Variants in RPS6KC1 observed in about 807,000 individuals in gnomAD.
RPS6KC1 encodes inactive ribosomal protein S6 kinase delta-1.
Under a neutral mutation model 103.8 loss-of-function variants are expected in RPS6KC1, and 54 were observed. The ratio of observed to expected loss-of-function variants is 0.52; its 90% CI spans 0.42 to 0.65. The LOEUF (loss-of-function observed/expected upper bound fraction) is 0.65, where lower values mean the gene tolerates loss of function less well. RPS6KC1 is among the 30% of genes least tolerant of loss of function. The pLI is 0.00. For synonymous variants in RPS6KC1, 439 were observed against 438.7 expected (o/e 1.00, Z -0.01); for missense variants, 1,151 against 1,253.8 (o/e 0.92, Z 1.24).
chr1:213,651,843 C>CT, the RPS6KC1 span, among the ~76,000 whole-genome samples: 2 of 152,180 alleles, frequency 1.3e-5, no homozygotes. Context: ...AAGGAAGAGA[C>CT]TGAGTTTTGA....
chr1:213,548,481 T>C, the RPS6KC1 span, among the ~76,000 whole-genome samples: 12 of 152,172 alleles, frequency 7.9e-5, no homozygotes, highest in East Asian at 1.9e-3. Context: ...GCCAACATGG[T>C]GAAACCCCAT....
the RPS6KC1 span, among the ~76,000 whole-genome samples, chr1:213,851,564 C>T: frequency 6.6e-5 from 10 of 152,156 alleles, no homozygotes; most frequent in African/African-American, 1.9e-4. Flanking sequence ...CCCAGGTAAT[C>T]GCATTCACTT....
the RPS6KC1 span, among the ~76,000 whole-genome samples, chr1:213,514,321 C>T: frequency 2.0e-5 from 3 of 151,914 alleles, no homozygotes; most frequent in Non-Finnish European, 4.4e-5. Flanking sequence ...TGTTGGTGTG[C>T]TGCACCCATT....
At chr1:213,258,620 A>G (rs1231976204) in intron 12 of RPS6KC1, among the ~76,000 whole-genome samples, 1 of 152,220 alleles carries the variant, frequency 6.6e-6, no homozygotes, top group Non-Finnish European at 1.5e-5. Context: ...AATTGTATAT[A>G]TATACCTGAT....
chr1:213,611,792 T>C, the RPS6KC1 span, among the ~76,000 whole-genome samples: 2 of 152,226 alleles, frequency 1.3e-5, no homozygotes, highest in South Asian at 4.1e-4. Flanking sequence ...CAAGAATTTA[T>C]ACTTGGAGCC....
chr1:213,510,126 T>C, the RPS6KC1 span, among the ~76,000 whole-genome samples: 1 of 152,206 alleles, frequency 6.6e-6, no homozygotes, highest in East Asian at 1.9e-4. Context: ...AAGAGCATCA[T>C]TGTGCCTTTT....
intron 6 of RPS6KC1, among the ~76,000 whole-genome samples, chr1:213,156,831 T>G (rs935958492): frequency 6.6e-6 from 1 of 152,216 alleles, no homozygotes; most frequent in African/African-American, 2.4e-5. Flanking sequence ...TCTTGGTCAG[T>G]CTACCTGAAA....
chr1:213,304,562 G>A, the RPS6KC1 span, among the ~76,000 whole-genome samples: 2 of 148,846 alleles, frequency 1.3e-5, no homozygotes, highest in African/African-American at 5.0e-5. Flanking sequence ...TTGAGATGGA[G>A]TTTTGCTCTT....
the RPS6KC1 span, among the ~76,000 whole-genome samples, chr1:213,548,836 C>T: frequency 1.3e-5 from 2 of 151,994 alleles, no homozygotes; most frequent in Non-Finnish European, 2.9e-5. Context: ...TACATATATG[C>T]TTTATATACT....
the RPS6KC1 span, among the ~76,000 whole-genome samples, chr1:213,636,825 G>T: frequency 3.9e-5 from 6 of 152,092 alleles, no homozygotes; most frequent in Admixed American, 3.3e-4. Flanking sequence ...AGAGTGCACA[G>T]GCAACCTACA....
the RPS6KC1 span, among the ~76,000 whole-genome samples, chr1:213,342,052 C>T: frequency 6.6e-6 from 1 of 152,228 alleles, no homozygotes; most frequent in Admixed American, 6.5e-5. Context: ...CAGGCAGTGT[C>T]TCCCATGCTC....
At chr1:213,272,310 T>C (rs1441427025) in intron 14 of RPS6KC1, among the ~76,000 whole-genome samples, 1 of 152,202 alleles carries the variant, frequency 6.6e-6, no homozygotes, top group African/African-American at 2.4e-5. Context: ...TTCCCATCAG[T>C]TGAAAAGCCA....
At chr1:213,135,747 TTTC>T (rs1381015240) in intron 6 of RPS6KC1, among the ~76,000 whole-genome samples, 1 of 152,218 alleles carries the variant, frequency 6.6e-6, no homozygotes, top group East Asian at 1.9e-4. Flanking sequence ...TGTTTTTTCC[TTTC>T]TTTAGTTGAT....
At chr1:213,496,517 G>T in the RPS6KC1 span, among the ~76,000 whole-genome samples, 1 of 152,166 alleles carries the variant, frequency 6.6e-6, no homozygotes, top group South Asian at 2.1e-4. Flanking sequence ...TAGCACTTTG[G>T]GAGGCTGAGG....
At chr1:213,854,528 C>CTTTCTT in the RPS6KC1 span, among the ~76,000 whole-genome samples, 1 of 97,168 alleles carries the variant, frequency 1.0e-5, no homozygotes, top group Non-Finnish European at 2.1e-5. Flanking sequence ...TTCTTTCTTT[C>CTTTCTT]TTTCTTTCTT....
the RPS6KC1 span, among the ~76,000 whole-genome samples, chr1:213,595,246 A>G: frequency 1.3e-5 from 2 of 152,190 alleles, no homozygotes; most frequent in Non-Finnish European, 2.9e-5. Context: ...ACAGACCCAG[A>G]CACAGGCTCA....
At chr1:213,157,933 G>A (rs1041459980) in intron 6 of RPS6KC1, among the ~76,000 whole-genome samples, 7 of 152,038 alleles carry the variant, frequency 4.6e-5, no homozygotes, top group African/African-American at 1.7e-4. Flanking sequence ...TATTGTCTGT[G>A]GTAACTTTTC....
chr1:213,469,458 A>T, the RPS6KC1 span, among the ~76,000 whole-genome samples: 2 of 152,150 alleles, frequency 1.3e-5, no homozygotes, highest in African/African-American at 4.8e-5. Flanking sequence ...AGCCAATCTC[A>T]GGCATCACAT....
chr1:213,621,925 C>T, the RPS6KC1 span, among the ~76,000 whole-genome samples: 1 of 152,076 alleles, frequency 6.6e-6, no homozygotes, highest in Non-Finnish European at 1.5e-5. Flanking sequence ...GCTGGCCGAC[C>T]CTGGGCAAAA....
Sources: gnomAD v4.1 joint callset for allele counts (sites outside exome capture counted in the v4.1 genomes callset) on GRCh38, gnomAD v4.1.1 for gene constraint, MANE v1.5 for transcripts, NCBI Gene and HGNC (gene_info 2026-07-23, HGNC 2026-07-21) for gene names.